RBFOX3: variants seen among roughly 807,000 people sequenced by gnomAD.
RBFOX3 encodes RNA binding protein fox-1 homolog 3.
A neutral mutation model predicts 48.7 loss-of-function variants in RBFOX3; 17 were observed. The observed-to-expected ratio is 0.35, with a 90% CI of 0.24 to 0.52. The LOEUF (loss-of-function observed/expected upper bound fraction) is 0.52. Ranked by LOEUF, RBFOX3 falls within the 20% of genes least tolerant of loss-of-function variation. The pLI, the probability that RBFOX3 is intolerant of heterozygous loss-of-function variation, is 0.94. For synonymous variants in RBFOX3, 212 were observed against 209.5 expected, an observed-to-expected ratio of 1.01 and a Z score of -0.10; for missense variants, 382 against 497.5, an observed-to-expected ratio of 0.77 and a Z score of 2.21.
rs1301047183 is a variant in RBFOX3, at chr17:79,390,507, C to T, written c.-174-82683G>A. On this transcript the variant is annotated intron_variant, in intron 2 of 14. Transcript: ENST00000693108. The surrounding 1 kb of genome is among the most constrained non-coding windows in gnomAD (Gnocchi z 4.2). ...TTTTTTTTTTTTTTAGATGGAGTCTCGCTCTTGTCGCCCAGGCTGGAGTGC... is the reference window on the plus strand; with the variant it reads ...TTTTTTTTTTTTTTAGATGGAGTCTTGCTCTTGTCGCCCAGGCTGGAGTGC... Among the ~76,000 whole-genome samples, 5 of 149,784 alleles carry T rather than the reference C, an allele frequency of 3.3e-5. No homozygotes were observed. Among genetic ancestry groups the T allele is most frequent in the South Asian group, 4.2e-4 (2 of 4,758 alleles).
chr17:79,424,514 T>G (rs761365489), intron 2 of RBFOX3, among the ~76,000 whole-genome samples: 11 of 152,146 alleles, frequency 7.2e-5, no homozygotes, highest in Non-Finnish European at 1.6e-4. Flanking sequence ...GCTCTTCCTG[T>G]GAAATTCTCT....
chr17:79,267,105 T>G (rs1003561723), intron 3 of RBFOX3, among the ~76,000 whole-genome samples: 26 of 152,114 alleles, frequency 1.7e-4, no homozygotes, highest in African/African-American at 6.0e-4. Context: ...CCCTGCACCT[T>G]GGAGTCTGAG....
At chr17:79,112,314 G>GA (rs1355243870) in intron 5 of RBFOX3, among the ~76,000 whole-genome samples, 4 of 152,230 alleles carry the variant, frequency 2.6e-5, no homozygotes, top group Non-Finnish European at 5.9e-5. Context: ...GTGCTTCTGT[G>GA]ACTAGGGGTT....
Position 79,481,452 on chromosome 17 carries a change from G to A in RBFOX3, c.-175+1002C>T, listed in dbSNP as rs2078767928. Among the ~76,000 whole-genome samples, 1 of 152,140 alleles carries A rather than the reference G, an allele frequency of 6.6e-6. No homozygotes were observed. Among genetic ancestry groups the A allele is most frequent in the Non-Finnish European group, 1.5e-5 (1 of 68,020 alleles). ...GCTGGGGTTTCCAAGGGATAGGAGT[G>A]TCTTCTGTTATTCATAAAAAGCCAC... On this transcript the variant is annotated intron_variant, in intron 2 of 14. Transcript: ENST00000693108. This position sits in a 1 kb window ranked among gnomAD's most constrained non-coding sequence, Gnocchi z 5.4.
Position 79,559,670 on chromosome 17 carries a change from G to GGTGA in RBFOX3, c.-320+51155_-320+51156insTCAC, listed in dbSNP as rs2092061498. Among the ~76,000 whole-genome samples, 252 of 148,922 alleles carry GGTGA rather than the reference G, an allele frequency of 1.7e-3. 2 individuals are homozygous for GGTGA. The highest frequency in any genetic ancestry group is 6.1e-3 in the African/African-American group (244 of 40,220). On this transcript the variant is annotated intron_variant, in intron 1 of 14. Coordinates refer to ENST00000693108, the MANE Select transcript of RBFOX3 (RefSeq NM_001350451.2). The stretch of plus-strand genomic sequence containing the variant: ...GGATGGGTGGATGGATGGGTGGGTG[G>GGTGA]GTGGATGGATGAGTGGGTCGGTGGG...
At chr17:79,144,244 C>G (rs553155768) in intron 4 of RBFOX3, among the ~76,000 whole-genome samples, 3 of 152,234 alleles carry the variant, frequency 2.0e-5, no homozygotes, top group Non-Finnish European at 4.4e-5. Context: ...GGCCTGCTCT[C>G]GAGGCAGGAT....
chr17:79,316,707 T>C (rs1355887724), intron 2 of RBFOX3, among the ~76,000 whole-genome samples: 1 of 152,234 alleles, frequency 6.6e-6, no homozygotes, highest in Non-Finnish European at 1.5e-5. Context: ...CCAGTGACAG[T>C]TTCCACATTT....
chr17:79,572,455 G>C (rs1380060326), intron 1 of RBFOX3, among the ~76,000 whole-genome samples: 2 of 151,954 alleles, frequency 1.3e-5, no homozygotes, highest in Admixed American at 1.3e-4. Flanking sequence ...AGCCGAGGCC[G>C]ATCCCACCCC....
the RBFOX3 span, among the ~76,000 whole-genome samples, chr17:79,620,174 T>G: frequency 1.6e-5 from 1 of 62,260 alleles, no homozygotes; most frequent in Non-Finnish European, 3.3e-5. Flanking sequence ...TGCACACACA[T>G]GCACACACAT....
chr17:79,168,621 C>T (rs772747138), intron 4 of RBFOX3, among the ~76,000 whole-genome samples: 3 of 152,192 alleles, frequency 2.0e-5, no homozygotes, highest in Non-Finnish European at 4.4e-5. Context: ...CAGGTGTGGG[C>T]GGCCTGGCCC....
chr17:79,594,828 C>A (rs1486015853), intron 1 of RBFOX3, among the ~76,000 whole-genome samples: 1 of 152,112 alleles, frequency 6.6e-6, no homozygotes, highest in Non-Finnish European at 1.5e-5. Flanking sequence ...AAGGAAGCAC[C>A]CACTCAGCGC....
At chr17:79,402,992 GTCT>G (rs1365088438) in intron 2 of RBFOX3, among the ~76,000 whole-genome samples, 2 of 152,194 alleles carry the variant, frequency 1.3e-5, no homozygotes, top group African/African-American at 2.4e-5. Context: ...CATGCTGAAG[GTCT>G]TCATCTGCTC....
intron 3 of RBFOX3, among the ~76,000 whole-genome samples, chr17:79,303,176 C>T (rs1437198054): frequency 6.6e-6 from 1 of 152,160 alleles, no homozygotes; most frequent in Non-Finnish European, 1.5e-5. Context: ...CCACCGTACT[C>T]CAGCCTGTGT....
At chr17:79,319,858 G>A (rs1402988817) in intron 2 of RBFOX3, among the ~76,000 whole-genome samples, 5 of 55,822 alleles carry the variant, frequency 9.0e-5, no homozygotes, top group Non-Finnish European at 1.1e-4. Context: ...AGTCTTGCCT[G>A]GGCTGCTGGT....
intron 4 of RBFOX3, among the ~76,000 whole-genome samples, chr17:79,194,996 G>A (rs2055295019): frequency 6.6e-6 from 1 of 152,088 alleles, no homozygotes; most frequent in Non-Finnish European, 1.5e-5. Flanking sequence ...CTATTGGGCA[G>A]CTCTGGTCTA....
intron 2 of RBFOX3, among the ~76,000 whole-genome samples, chr17:79,386,952 T>C (rs552717047): frequency 1.3e-5 from 2 of 152,320 alleles, no homozygotes; most frequent in East Asian, 3.9e-4. Flanking sequence ...GAACTCAGAA[T>C]TGGAAGGTAG....
At chr17:79,642,410 C>T in the RBFOX3 span, among the ~76,000 whole-genome samples, 1 of 152,116 alleles carries the variant, frequency 6.6e-6, no homozygotes, top group Non-Finnish European at 1.5e-5. Flanking sequence ...TGTTAATTTG[C>T]TTGATTGCAG....
chr17:79,489,240 T>TCAAA (rs782251226), intron 1 of RBFOX3, among the ~76,000 whole-genome samples: 1 of 126,510 alleles, frequency 7.9e-6, no homozygotes, highest in African/African-American at 3.0e-5. Context: ...GCCAGAAAGT[T>TCAAA]AAAAAAAAAA....
chr17:79,230,723 A>G (rs1159637334), intron 4 of RBFOX3, among the ~76,000 whole-genome samples: 2 of 152,050 alleles, frequency 1.3e-5, no homozygotes, highest in African/African-American at 4.8e-5. Context: ...CTACACTAGG[A>G]CTGTGTGTCC....
Sources: allele counts gnomAD v4.1 joint callset (sites outside exome capture counted in the v4.1 genomes callset), GRCh38; gene constraint gnomAD v4.1.1; non-coding constraint Gnocchi (gnomAD v3.1); transcripts MANE v1.5; gene names NCBI Gene and HGNC (gene_info 2026-07-23, HGNC 2026-07-21).